Variants in ZFP1 observed in about 807,000 individuals in gnomAD.
ZFP1 encodes the protein zinc finger protein 1 homolog.
ZFP1 carries 32 observed loss-of-function variants against 38.5 expected under a neutral mutation model. The ratio of observed to expected loss-of-function variants is 0.83; its 90% CI spans 0.63 to 1.12. The LOEUF (loss-of-function observed/expected upper bound fraction) is 1.12. ZFP1 is among the 50% of genes most tolerant of loss of function. The probability of loss-of-function intolerance (pLI) is 0.00; values close to 1 mark genes in which losing one functional copy is unlikely to be tolerated. For missense variants in ZFP1, 616 were observed against 480.8 expected, an observed-to-expected ratio of 1.28 and a Z score of -2.63; for synonymous variants, 245 against 168.8, an observed-to-expected ratio of 1.45 and a Z score of -3.50.
At chr16:75,120,360 G>A in the ZFP1 span, among the ~76,000 whole-genome samples, 5 of 152,038 alleles carry the variant, frequency 3.3e-5, no homozygotes, top group Admixed American at 2.0e-4. Context: ...TATAATAGCT[G>A]GGGTTCCTTA....
the ZFP1 span, among the ~76,000 whole-genome samples, chr16:75,134,665 T>C: frequency 1.3e-5 from 2 of 151,016 alleles, no homozygotes; most frequent in African/African-American, 2.4e-5. Flanking sequence ...GGCAGGAGAA[T>C]GGCGTGAACC....
the ZFP1 span, chr16:75,127,756 T>G: frequency 5.0e-4 from 76 of 152,352 alleles, no homozygotes; most frequent in African/African-American, 1.8e-3. Flanking sequence ...CTGCATGGAC[T>G]AAACTAATAG....
chr16:75,120,852 C>G, the ZFP1 span, among the ~76,000 whole-genome samples: 1 of 152,004 alleles, frequency 6.6e-6, no homozygotes, highest in Admixed American at 6.6e-5. Context: ...GTCTCGATCT[C>G]CTGACCTCAT....
In ZFP1 at chr16:75,148,632, G is replaced by A. The variant is rs1453603216; in HGVS notation, c.-55G>A. ...TGGCACTGGGCCACGAGTGGAGGCT[G>A]CGCCCCTCCAGGTACGAGAGGGGCT... On this transcript the variant is annotated 5_prime_UTR_variant, in exon 1 of 4. Transcript: ENST00000570010. The A allele has an allele frequency of 6.6e-6, 1 of 152,290 alleles. No homozygotes were observed. Among genetic ancestry groups the A allele is most frequent in the Non-Finnish European group, 1.5e-5 (1 of 68,102 alleles). 9.4% of individuals were successfully genotyped at this position (152,290 alleles called of 1,614,324 possible). A position where few individuals can be genotyped will look rare whatever the true frequency, so the allele number is the denominator to read the frequency against.
chr16:75,136,889 A>G, the ZFP1 span, among the ~76,000 whole-genome samples: 1 of 151,962 alleles, frequency 6.6e-6, no homozygotes, highest in South Asian at 2.1e-4. Context: ...AAAGAAAAGG[A>G]AAAAAAAGGA....
intron 2 of ZFP1, among the ~76,000 whole-genome samples, chr16:75,154,034 C>T (rs958324501): frequency 8.5e-5 from 13 of 152,068 alleles, no homozygotes; most frequent in African/African-American, 2.2e-4. Flanking sequence ...CTGGCCAACA[C>T]GGTGAAACCC....
rs746676187 is a variant in ZFP1, at chr16:75,169,961, C to T, written c.851C>T (p.Thr284Ile). 1 of 1,613,982 alleles carries T rather than the reference C, an allele frequency of 6.2e-7. No homozygotes were observed. Among genetic ancestry groups the T allele is most frequent in the African/African-American group, 1.3e-5 (1 of 74,902 alleles). ...GKTFAQKFELTTHQRIHTGER... is the reference protein window; with the variant it reads ...GKTFAQKFELITHQRIHTGER... The stretch of plus-strand genomic sequence containing the variant: ...ACATTTGCCCAAAAGTTTGAACTCA[C>T]CACACACCAGAGAATTCATACAGGA... Residue 284 changes from threonine (T) to isoleucine (I), a missense_variant, in exon 4 of 4, where the codon ACC becomes ATC. Thr to Ile is a moderately conservative substitution (Grantham distance 89). Coordinates refer to ENST00000570010, the MANE Select transcript of ZFP1 (RefSeq NM_153688.4).
chr16:75,166,995 G>A, intron 3 of ZFP1, 99 bp downstream of exon 3: 3 of 1,522,730 alleles, frequency 2.0e-6, no homozygotes, highest in Non-Finnish European at 1.8e-6. Flanking sequence ...AAATGTTTTT[G>A]GCCTAAGTCC....
At chr16:75,123,944 A>T in the ZFP1 span, among the ~76,000 whole-genome samples, 3 of 140,832 alleles carry the variant, frequency 2.1e-5, no homozygotes, top group Non-Finnish European at 4.6e-5. Context: ...ACAAAAAAAA[A>T]TTAGCTGGGC....
chr16:75,142,057 G>C, the ZFP1 span, among the ~76,000 whole-genome samples: 1 of 118,956 alleles, frequency 8.4e-6, no homozygotes, highest in African/African-American at 3.1e-5. Context: ...CCATCTCAAA[G>C]AAAAAAAAAA....
At chr16:75,124,250 C>T in the ZFP1 span, among the ~76,000 whole-genome samples, 1 of 150,178 alleles carries the variant, frequency 6.7e-6, no homozygotes, top group African/African-American at 2.4e-5. Context: ...CCTCTGCCTT[C>T]CAGGTTCAAG....
intron 3 of ZFP1, 99 bp from the exon 4 acceptor site, chr16:75,169,154 A>G (rs1453873363): frequency 2.8e-6 from 4 of 1,407,120 alleles, no homozygotes; most frequent in South Asian, 3.7e-5. Context: ...CAAACTAAAG[A>G]GTCAGCCCTG....
At chr16:75,150,617 T>C (rs1023478560) in intron 1 of ZFP1, among the ~76,000 whole-genome samples, 1 of 152,156 alleles carries the variant, frequency 6.6e-6, no homozygotes, top group African/African-American at 2.4e-5. Context: ...GGTTTGTTTT[T>C]GTATTGTATT....
chr16:75,168,775 C>T (rs551304622), intron 3 of ZFP1, among the ~76,000 whole-genome samples: 3 of 152,192 alleles, frequency 2.0e-5, no homozygotes, highest in South Asian at 2.1e-4. Context: ...TAGAACTATG[C>T]AGACTGGTGC....
chr16:75,122,201 C>G, the ZFP1 span, among the ~76,000 whole-genome samples: 3,757 of 152,322 alleles, frequency 0.025, 173 homozygotes, highest in African/African-American at 0.086. Flanking sequence ...TCTTATTCCT[C>G]ATGCAGGTAG....
the ZFP1 span, among the ~76,000 whole-genome samples, chr16:75,120,666 A>G: frequency 6.6e-6 from 1 of 151,970 alleles, no homozygotes; most frequent in African/African-American, 2.4e-5. Flanking sequence ...CAGTGGCGCA[A>G]TCTCGGCTCA....
chr16:75,165,489 G>A (rs757515910), intron 2 of ZFP1, among the ~76,000 whole-genome samples: 1 of 151,990 alleles, frequency 6.6e-6, no homozygotes, highest in African/African-American at 2.4e-5. Flanking sequence ...CCACCTCCCA[G>A]GTTCAAGCAA....
chr16:75,132,825 ATT>A, the ZFP1 span, among the ~76,000 whole-genome samples: 8 of 134,796 alleles, frequency 5.9e-5, no homozygotes, highest in Admixed American at 7.5e-5. Context: ...CATGGCTAGT[ATT>A]TTTTTTTTTT....
chr16:75,137,134 TTGTAA>T, the ZFP1 span, among the ~76,000 whole-genome samples: 1 of 152,110 alleles, frequency 6.6e-6, no homozygotes, highest in Non-Finnish European at 1.5e-5. Context: ...CTGGATTATC[TTGTAA>T]TGTCAGAAAG....
Sources: allele counts gnomAD v4.1 joint callset (sites outside exome capture counted in the v4.1 genomes callset), GRCh38; gene constraint gnomAD v4.1.1; transcripts MANE v1.5; gene names NCBI Gene and HGNC (gene_info 2026-07-23, HGNC 2026-07-21).